The following PDE4D variants were observed in gnomAD, a reference collection of about 807,000 sequenced individuals.
PDE4D encodes the protein 3',5'-cyclic-AMP phosphodiesterase 4D.
Under a neutral mutation model 87.4 loss-of-function variants are expected in PDE4D, and 24 were observed. That is an observed-to-expected ratio of 0.27 (90% CI 0.20 to 0.39). The LOEUF is 0.39. PDE4D is among the 10% of genes least tolerant of loss of function. The pLI, the probability that PDE4D is intolerant of heterozygous loss-of-function variation, is 1.00. For missense variants in PDE4D, 714 were observed against 1,041.0 expected, an observed-to-expected ratio of 0.69 and a Z score of 4.32; for synonymous variants, 384 against 383.2, an observed-to-expected ratio of 1.00 and a Z score of -0.02.
intron 5 of PDE4D, among the ~76,000 whole-genome samples, chr5:59,079,878 A>AGGAGAGGAGAGGAGAGGAGAGGAGG (rs1766407785): frequency 1.7e-5 from 2 of 115,578 alleles, no homozygotes; most frequent in Admixed American, 1.0e-4. Flanking sequence ...AGGAGAGGAG[A>AGGAGAGGAGAGGAGAGGAGAGGAGG]GGAGAAGGGG....
chr5:59,861,163 G>A (rs572139149), intron 1 of PDE4D, among the ~76,000 whole-genome samples: 2 of 151,900 alleles, frequency 1.3e-5, no homozygotes, highest in African/African-American at 2.4e-5. Context: ...GAGCCACTGC[G>A]CCCGGCCCAA....
intron 1 of PDE4D, among the ~76,000 whole-genome samples, chr5:59,420,430 C>T (rs1794291219): frequency 6.6e-6 from 1 of 152,148 alleles, no homozygotes; most frequent in South Asian, 2.1e-4. Flanking sequence ...ACAGCAACCC[C>T]AGGGCTGGAA....
Position 59,285,331 on chromosome 5 carries a change from G to A in PDE4D, c.456-69363C>T, listed in dbSNP as rs115690782. Among the ~76,000 whole-genome samples, 483 of 152,042 alleles carry A rather than the reference G, an allele frequency of 3.2e-3. 5 individuals are homozygous for A. The highest frequency in any genetic ancestry group is 0.011 in the African/African-American group (460 of 41,498). On this transcript the variant is annotated intron_variant, in intron 1 of 14. Coordinates refer to ENST00000340635, the MANE Select transcript of PDE4D (RefSeq NM_001104631.2). ...ACAGCAGAATAAATCTTTGGTCAAC[G>A]GTGGTAGATAAGCCCTTTACAGATT...
chr5:59,729,224 G>C (rs1435690700), intron 1 of PDE4D, among the ~76,000 whole-genome samples: 2 of 152,018 alleles, frequency 1.3e-5, no homozygotes, highest in African/African-American at 4.8e-5. Flanking sequence ...TTCATTTGTT[G>C]ACTATATTTA....
At chr5:59,364,281 G>A (rs981099539) in intron 1 of PDE4D, among the ~76,000 whole-genome samples, 11 of 152,190 alleles carry the variant, frequency 7.2e-5, no homozygotes, top group African/African-American at 2.7e-4. Context: ...GTTCAGTGGA[G>A]TTAAGTGACC....
chr5:59,090,575 C>A (rs1430189149), intron 5 of PDE4D, among the ~76,000 whole-genome samples: 1 of 152,072 alleles, frequency 6.6e-6, no homozygotes, highest in Admixed American at 6.6e-5. Context: ...CTATCATCAT[C>A]TCTTTTATAC....
intron 1 of PDE4D, among the ~76,000 whole-genome samples, chr5:59,824,673 G>T (rs1297510575): frequency 1.3e-5 from 2 of 152,128 alleles, no homozygotes; most frequent in African/African-American, 4.8e-5. Context: ...GTATGAATTT[G>T]GCGGGAAAGT....
chr5:59,178,501 T>C (rs1266092904), intron 5 of PDE4D, among the ~76,000 whole-genome samples: 2 of 152,126 alleles, frequency 1.3e-5, no homozygotes, highest in Non-Finnish European at 2.9e-5. Context: ...CCTTACTATG[T>C]ATACATTTCT....
intron 1 of PDE4D, among the ~76,000 whole-genome samples, chr5:59,769,953 C>A (rs1287008928): frequency 1.3e-5 from 2 of 152,046 alleles, no homozygotes; most frequent in Non-Finnish European, 2.9e-5. Context: ...ATTTTAAGTT[C>A]CAATTCCTTG....
chr5:59,157,467 G>A (rs932186499), intron 5 of PDE4D: 21 of 643,046 alleles, frequency 3.3e-5, no homozygotes, highest in South Asian at 1.6e-4. Flanking sequence ...TTGAATTTAC[G>A]ACTAAGTTTC....
chr5:59,261,751 G>C (rs1171847049), intron 1 of PDE4D, among the ~76,000 whole-genome samples: 1 of 151,626 alleles, frequency 6.6e-6, no homozygotes, highest in South Asian at 2.1e-4. Context: ...AAAGAAATCT[G>C]TTGGTTTTAA....
rs181475389 is a variant in PDE4D, at chr5:60,421,199, G to A, written c.-90+66743C>T. 7.9e-3 allele frequency among the ~76,000 whole-genome samples: 1,200 copies of A among 152,050 alleles called. 17 individuals carry two copies. Among genetic ancestry groups the A allele is most frequent in the African/African-American group, 0.027 (1,138 of 41,564 alleles). On this transcript the variant is annotated intron_variant, in intron 1 of 16. Coordinates refer to the PDE4D transcript ENST00000502484. ...AGAGCAGTGGTTCTCCCAGCATGGC[G>A]TTTGAGCTTTGAGAACGGACAGACT...
At chr5:60,075,379 C>T (rs970825111) in intron 2 of PDE4D, among the ~76,000 whole-genome samples, 3 of 152,190 alleles carry the variant, frequency 2.0e-5, no homozygotes, top group African/African-American at 7.2e-5. Context: ...GAGAGGTCTG[C>T]TGTGTCAGAA....
chr5:60,140,438 G>A (rs1240103901), intron 2 of PDE4D, among the ~76,000 whole-genome samples: 1 of 151,608 alleles, frequency 6.6e-6, no homozygotes. Flanking sequence ...AGATGACTAG[G>A]ACTCAGTTTT....
At chr5:59,342,199 C>T (rs912018999) in intron 1 of PDE4D, among the ~76,000 whole-genome samples, 1 of 152,184 alleles carries the variant, frequency 6.6e-6, no homozygotes, top group African/African-American at 2.4e-5. Flanking sequence ...TTTTACATAT[C>T]TTTGAAGGTC....
chr5:58,991,039 G>C (rs1747798738), intron 8 of PDE4D, 137 bp from the exon 9 acceptor site: 1 of 593,278 alleles, frequency 1.7e-6, no homozygotes, highest in African/African-American at 1.9e-5. Flanking sequence ...CCAGAACTTT[G>C]GGAGGCTGAG....
chr5:59,996,723 T>A (rs922136267), intron 2 of PDE4D, among the ~76,000 whole-genome samples: 9 of 152,230 alleles, frequency 5.9e-5, no homozygotes, highest in South Asian at 2.1e-4. Flanking sequence ...ATAAACATCC[T>A]GTCCTTTAAT....
At chr5:59,467,131 AC>A (rs766394163) in intron 1 of PDE4D, among the ~76,000 whole-genome samples, 10 of 152,148 alleles carry the variant, frequency 6.6e-5, no homozygotes, top group Admixed American at 1.3e-4. Context: ...CTCAGAAGAA[AC>A]CAACCCTGCT....
intron 1 of PDE4D, among the ~76,000 whole-genome samples, chr5:59,598,358 A>G (rs1315054888): frequency 6.6e-6 from 1 of 152,198 alleles, no homozygotes; most frequent in African/African-American, 2.4e-5. Context: ...GAGCAAAAAT[A>G]AAAAGCAGGA....
Sources: gnomAD v4.1 joint callset for allele counts (sites outside exome capture counted in the v4.1 genomes callset) on GRCh38, gnomAD v4.1.1 for gene constraint, MANE v1.5 for transcripts, NCBI Gene and HGNC (gene_info 2026-07-23, HGNC 2026-07-21) for gene names.